Variants in SHC4 observed in about 807,000 individuals in gnomAD.
The protein encoded by SHC4 is SHC adaptor protein 4.
In SHC4, 41 loss-of-function variants were observed where a neutral mutation model predicts 69.4. The ratio of observed to expected loss-of-function variants is 0.59; its 90% CI spans 0.46 to 0.77. The LOEUF is 0.77. Among genes scored for constraint, SHC4 ranks in the 30% least tolerant of loss-of-function variants. SHC4 has a pLI of 0.00. For missense variants in SHC4, 777 were observed against 783.8 expected (o/e 0.99, Z 0.10); for synonymous variants, 318 against 299.3 (o/e 1.06, Z -0.64).
intron 4 of SHC4, chr15:48,878,227 G>C (rs760153998): frequency 1.2e-6 from 2 of 1,606,050 alleles, no homozygotes; most frequent in Non-Finnish European, 1.7e-6. Context: ...GCAGTGACCT[G>C]CAGATGGATG....
At chr15:48,863,967 G>A (rs78542888) in intron 6 of SHC4, among the ~76,000 whole-genome samples, 6,586 of 152,212 alleles carry the variant, frequency 0.043, 281 homozygotes, top group East Asian at 0.22. Context: ...GGGCTGCTGT[G>A]AGGATGAAAT....
At chr15:48,891,251 C>T (rs1390998456) in intron 2 of SHC4, among the ~76,000 whole-genome samples, 1 of 149,036 alleles carries the variant, frequency 6.7e-6, no homozygotes, top group Non-Finnish European at 1.5e-5. Context: ...AAGAACCTGA[C>T]ACGAGAAAAT....
At chr15:48,921,729 C>T (rs528168934) in intron 2 of SHC4, among the ~76,000 whole-genome samples, 2 of 152,204 alleles carry the variant, frequency 1.3e-5, no homozygotes, top group Admixed American at 6.5e-5. Context: ...ACGATAGTTG[C>T]GCAACAATGT....
intron 10 of SHC4, among the ~76,000 whole-genome samples, chr15:48,835,239 C>G (rs939838787): frequency 2.0e-5 from 3 of 152,144 alleles, no homozygotes; most frequent in Admixed American, 6.5e-5. Flanking sequence ...CTTCTGTTAC[C>G]AGGGAAGCCT....
chr15:48,911,919 A>C (rs1397192624), intron 2 of SHC4, among the ~76,000 whole-genome samples: 1 of 152,220 alleles, frequency 6.6e-6, no homozygotes, highest in Non-Finnish European at 1.5e-5. Flanking sequence ...GGCTGAAGAT[A>C]GGGCCCCAAT....
At chr15:48,855,124 C>A (rs1369509592) in intron 8 of SHC4, among the ~76,000 whole-genome samples, 1 of 151,802 alleles carries the variant, frequency 6.6e-6, no homozygotes, top group East Asian at 1.9e-4. Context: ...TATGCCAAAC[C>A]CCCATGATAA....
chr15:48,856,219 A>C (rs1899311560), intron 7 of SHC4, 95 bp from the exon 8 acceptor site: 2 of 1,216,616 alleles, frequency 1.6e-6, no homozygotes, highest in African/African-American at 1.5e-5. Flanking sequence ...CATCCTGAAA[A>C]ACTTTGCATT....
intron 1 of SHC4, among the ~76,000 whole-genome samples, chr15:48,936,331 G>T (rs1901069739): frequency 6.6e-6 from 1 of 152,158 alleles, no homozygotes; most frequent in Admixed American, 6.5e-5. Flanking sequence ...ATAGTAAGTT[G>T]TGTGTTCTGT....
chr15:48,836,023 CA>C (rs57343981), intron 10 of SHC4, among the ~76,000 whole-genome samples: 18,664 of 60,414 alleles, frequency 0.31, 1,228 homozygotes, highest in Middle Eastern at 0.42. Flanking sequence ...ACAAAAAATC[CA>C]AAAAAAAAAA....
chr15:48,947,571 A>T (rs1901298066), intron 1 of SHC4, among the ~76,000 whole-genome samples: 1 of 152,234 alleles, frequency 6.6e-6, no homozygotes, highest in African/African-American at 2.4e-5. Context: ...TTTAAAAAAT[A>T]CAAGTGAGAG....
intron 1 of SHC4, among the ~76,000 whole-genome samples, chr15:48,950,112 A>G (rs978289604): frequency 1.4e-5 from 2 of 144,102 alleles, no homozygotes; most frequent in African/African-American, 5.0e-5. Flanking sequence ...TAAATACATA[A>G]TTATATAATA....
At chr15:48,948,586 T>C (rs1267456748) in intron 1 of SHC4, among the ~76,000 whole-genome samples, 1 of 152,242 alleles carries the variant, frequency 6.6e-6, no homozygotes, top group Non-Finnish European at 1.5e-5. Flanking sequence ...GTAACTGCTA[T>C]TGAAATCACA....
At chr15:48,910,207 G>C (rs1413284907) in intron 2 of SHC4, among the ~76,000 whole-genome samples, 1 of 151,828 alleles carries the variant, frequency 6.6e-6, no homozygotes, top group Non-Finnish European at 1.5e-5. Context: ...TTTGTTGTTG[G>C]TAATTTTTAA....
intron 10 of SHC4, among the ~76,000 whole-genome samples, chr15:48,836,809 C>A (rs1898908263): frequency 6.6e-6 from 1 of 152,202 alleles, no homozygotes; most frequent in South Asian, 2.1e-4. Context: ...GGGCTTCTTT[C>A]TGCACACAGT....
rs1216944541 is a variant in SHC4, at chr15:48,825,172, GTTTT to G, written c.*795_*798del. 1.3e-5 allele frequency: 2 copies of G among 151,182 alleles called. No individual in the cohort carries two copies. The highest frequency in any genetic ancestry group is 4.9e-5 in the African/African-American group (2 of 41,178). The allele number at this position is 151,182 out of a possible 1,614,324, so 9.4% of individuals were successfully genotyped here. On this transcript the variant is annotated 3_prime_UTR_variant, in exon 12 of 12. Transcript: ENST00000332408. Reference sequence around the variant, plus strand: ...GTTTTTTTTGTTTTTTTTGTTTTTTGTTTTTTGTCTTTTTAGCAGGAAGAGGGGG... The same window carrying G: ...GTTTTTTTTGTTTTTTTTGTTTTTTGTTGTCTTTTTAGCAGGAAGAGGGGG...
Position 48,875,584 on chromosome 15 carries a change from T to C in SHC4, c.841-3442A>G, listed in dbSNP as rs569855626. ...AATTGTTAGAAAGGAACAATGCTTT[T>C]TTGTGTGTGATATATTTTGCAGGAG... On this transcript the variant is annotated intron_variant, in intron 4 of 11. Transcript: ENST00000332408. 3.9e-5 allele frequency among the ~76,000 whole-genome samples: 6 copies of C among 152,344 alleles called. No homozygotes were observed. In the East Asian group the frequency reaches 1.2e-3, roughly 29 times the overall value.
intron 2 of SHC4, among the ~76,000 whole-genome samples, chr15:48,915,946 A>G (rs1239653683): frequency 6.6e-6 from 1 of 152,134 alleles, no homozygotes; most frequent in East Asian, 1.9e-4. Context: ...ATTTCACATG[A>G]CAAGTGGCTG....
At chr15:48,851,357 G>T in intron 8 of SHC4, 109 bp from the exon 9 acceptor site, 2 of 1,028,748 alleles carry the variant, frequency 1.9e-6, no homozygotes, top group Non-Finnish European at 2.9e-6. Context: ...TTCACTTTCT[G>T]ACACAGGAAA....
chr15:48,872,585 A>G (rs1899704274), intron 4 of SHC4, among the ~76,000 whole-genome samples: 1 of 152,210 alleles, frequency 6.6e-6, no homozygotes, highest in Non-Finnish European at 1.5e-5. Flanking sequence ...GGAACTGAGA[A>G]CTAAAAATAG....
Sources: allele counts gnomAD v4.1 joint callset (sites outside exome capture counted in the v4.1 genomes callset), GRCh38; gene constraint gnomAD v4.1.1; transcripts MANE v1.5; gene names NCBI Gene and HGNC (gene_info 2026-07-23, HGNC 2026-07-21).